Variants in DDHD1 observed in about 807,000 individuals in gnomAD.
The protein encoded by DDHD1 is DDHD domain containing 1.
DDHD1 carries 49 observed loss-of-function variants against 96.4 expected under a neutral mutation model. That is an observed-to-expected ratio of 0.51 (90% CI 0.40 to 0.64). The LOEUF (loss-of-function observed/expected upper bound fraction) is 0.64, where lower values mean the gene tolerates loss of function less well. Ranked by LOEUF, DDHD1 falls within the 30% of genes least tolerant of loss-of-function variation. The pLI is 0.00. For missense variants in DDHD1, 1,106 were observed against 1,161.2 expected (o/e 0.95, Z 0.69); for synonymous variants, 442 against 446.5 (o/e 0.99, Z 0.13).
In DDHD1 at chr14:53,072,672, T is replaced by C. The variant is rs1478089499; in HGVS notation, c.1428A>G (p.Val476=). The change falls in exon 6 of 13, where the codon GTA becomes GTG. Residue 476 remains valine, a synonymous_variant. Transcript: ENST00000673822. Reference sequence around the variant, plus strand: ...TGTTCAGCATATCCCTTAAACCTCGTACTTTGTCAGGAGTAATGGAATCAA... The same window carrying C: ...TGTTCAGCATATCCCTTAAACCTCGCACTTTGTCAGGAGTAATGGAATCAA... ...DTVDSITPDK[V]RGLRDMLNSS... is the part of the protein sequence containing the mutation. 6.2e-7 allele frequency: 1 copy of C among 1,610,390 alleles called. No homozygotes were observed. The highest frequency in any genetic ancestry group is 8.5e-7 in the Non-Finnish European group (1 of 1,177,606).
intron 6 of DDHD1, among the ~76,000 whole-genome samples, chr14:53,064,085 A>T (rs1043117632): frequency 2.6e-5 from 4 of 152,028 alleles, no homozygotes; most frequent in Admixed American, 2.6e-4. Context: ...TTTAAGTAAA[A>T]CTCTAATTAA....
At position 53,055,699 on chromosome 14, in the gene DDHD1, C is replaced by T; in HGVS notation, c.2206G>A (p.Gly736Arg). 6.2e-7 allele frequency: 1 copy of T among 1,614,008 alleles called. No individual in the cohort carries two copies. The change falls in exon 10 of 13, where the codon GGA (glycine) becomes AGA (arginine). Residue 736 changes from glycine (G) to arginine (R), a missense_variant. Around this residue, in one of 2 missense-constraint regions of DDHD1, gnomAD observed 650 missense variants for 758.8 expected, o/e 0.86. Transcript: ENST00000673822. ...TTGCCTATATTTGTTATAGATTCTC[C>T]ATAGTGTCGGCGGGACAAAACTGGT... ...TSPVLSRRHYGESITNIGKAS... is the reference protein window; with the variant it reads ...TSPVLSRRHYRESITNIGKAS...
At chr14:53,111,602 T>C (rs1007898839) in intron 1 of DDHD1, among the ~76,000 whole-genome samples, 4 of 152,146 alleles carry the variant, frequency 2.6e-5, no homozygotes, top group Admixed American at 2.6e-4. Flanking sequence ...CTAGGTATCT[T>C]GGTGTTTTGG....
At chr14:53,139,157 T>C (rs1310846353) in intron 1 of DDHD1, among the ~76,000 whole-genome samples, 2 of 151,420 alleles carry the variant, frequency 1.3e-5, no homozygotes, top group Non-Finnish European at 2.9e-5. Flanking sequence ...GAAATTGTCC[T>C]GGGCCTAGAA....
At position 53,040,136 on chromosome 14, in the gene DDHD1, G is replaced by A. The variant is rs1166112742; in HGVS notation, c.*6632C>T. 2 of 152,218 alleles carry A rather than the reference G, an allele frequency of 1.3e-5. No individual in the cohort carries two copies. Among genetic ancestry groups the A allele is most frequent in the Admixed American group, 1.3e-4 (2 of 15,284 alleles). 9.4% of individuals were successfully genotyped at this position (152,218 alleles called of 1,614,324 possible). On this transcript the variant is annotated 3_prime_UTR_variant, in exon 13 of 13. Coordinates refer to ENST00000673822, the MANE Select transcript of DDHD1 (RefSeq NM_001160148.2). ...GGTGAGTGGAAAGGTAGTAGGAGTAGGTTTCTATCTGGCACGGGTTCTTGG... is the reference window on the plus strand; with the variant it reads ...GGTGAGTGGAAAGGTAGTAGGAGTAAGTTTCTATCTGGCACGGGTTCTTGG...
intron 1 of DDHD1, among the ~76,000 whole-genome samples, chr14:53,113,390 CAAAAAA>C (rs60704615): frequency 5.2e-4 from 62 of 118,254 alleles, no homozygotes; most frequent in African/African-American, 3.5e-4. Context: ...CTGTACAAGC[CAAAAAA>C]AAAAAAAAAA....
At chr14:53,061,952 T>A (rs1039843422) in intron 7 of DDHD1, among the ~76,000 whole-genome samples, 1 of 146,524 alleles carries the variant, frequency 6.8e-6, no homozygotes, top group Non-Finnish European at 1.5e-5. Flanking sequence ...GAGAATCACT[T>A]GAACCTGGAA....
rs765007859 is a variant in DDHD1 at position 53,152,449 on chromosome 14, G to T, written c.650C>A (p.Ser217Tyr). 1.9e-6 allele frequency: 3 copies of T among 1,613,254 alleles called. No homozygotes were observed. Among genetic ancestry groups the T allele is most frequent in the South Asian group, 2.2e-5 (2 of 91,054 alleles). ...GGAACTGGAGGCTGGGCCCGTGGGG[G>T]AGCACACATGGTCGCCGTCCCGGTC... ...GGDRDGDHVC[S>Y]PTGPASSSGE... The change falls in exon 1 of 13, where the codon TCC becomes TAC. Residue 217 changes from serine to tyrosine, a missense_variant. Ser to Tyr is a moderately radical substitution (Grantham distance 144). Around this residue, in one of 2 missense-constraint regions of DDHD1, gnomAD observed 456 missense variants for 402.4 expected, o/e 1.13. Coordinates refer to ENST00000673822, the MANE Select transcript of DDHD1 (RefSeq NM_001160148.2).
At chr14:53,103,568 A>G in intron 2 of DDHD1, 115 bp downstream of exon 2, 1 of 878,690 alleles carries the variant, frequency 1.1e-6, no homozygotes, top group East Asian at 2.9e-5. Context: ...TAAAAAAATC[A>G]AATTTTCTAA....
chr14:53,059,331 G>T (rs970873275), intron 8 of DDHD1, among the ~76,000 whole-genome samples: 43 of 151,916 alleles, frequency 2.8e-4, no homozygotes, highest in African/African-American at 1.0e-3. Flanking sequence ...TGCAAGCTCC[G>T]CCTCCTGGGT....
chr14:53,130,993 C>A (rs1372424054), intron 1 of DDHD1, among the ~76,000 whole-genome samples: 2 of 152,172 alleles, frequency 1.3e-5, no homozygotes, highest in Non-Finnish European at 2.9e-5. Flanking sequence ...CCATTACCTT[C>A]TTTTCAACGG....
chr14:53,061,035 A>T (rs1196718492), intron 8 of DDHD1, 91 bp downstream of exon 8: 4 of 1,135,938 alleles, frequency 3.5e-6, no homozygotes, highest in Non-Finnish European at 3.8e-6. Context: ...AAAGAACAAT[A>T]AACTTTCATT....
intron 1 of DDHD1, among the ~76,000 whole-genome samples, chr14:53,146,429 G>A (rs891883925): frequency 6.6e-6 from 1 of 151,722 alleles, no homozygotes; most frequent in Non-Finnish European, 1.5e-5. Flanking sequence ...GCTTGAACCT[G>A]GGAGGCAGAG....
At chr14:53,105,371 G>A (rs769887657) in intron 1 of DDHD1, among the ~76,000 whole-genome samples, 1 of 151,592 alleles carries the variant, frequency 6.6e-6, no homozygotes, top group Non-Finnish European at 1.5e-5. Context: ...TACCAGATTT[G>A]TACTGTGATG....
intron 6 of DDHD1, among the ~76,000 whole-genome samples, chr14:53,071,211 A>T (rs961880944): frequency 6.6e-6 from 1 of 152,152 alleles, no homozygotes; most frequent in African/African-American, 2.4e-5. Context: ...CAAGCAGTCT[A>T]TCTCTACAGC....
chr14:53,131,288 T>A (rs1361751190), intron 1 of DDHD1, among the ~76,000 whole-genome samples: 2 of 152,130 alleles, frequency 1.3e-5, no homozygotes, highest in African/African-American at 4.8e-5. Flanking sequence ...AACCCACAAG[T>A]GATAGGACAC....
chr14:53,088,063 T>C (rs1886130188), intron 4 of DDHD1, among the ~76,000 whole-genome samples: 1 of 152,182 alleles, frequency 6.6e-6, no homozygotes, highest in Non-Finnish European at 1.5e-5. Context: ...CCAGAAAATC[T>C]AGAAGAAATG....
chr14:53,088,190 CA>C (rs560973560), intron 4 of DDHD1, among the ~76,000 whole-genome samples: 86 of 152,026 alleles, frequency 5.7e-4, no homozygotes, highest in African/African-American at 2.0e-3. Context: ...ACCTACCAAC[CA>C]AAAAAAGTCC....
In DDHD1 at chr14:53,051,922, T is replaced by C. The variant is rs750706959; in HGVS notation, c.2443A>G (p.Arg815Gly). The C allele has an allele frequency of 7.6e-6, 12 of 1,579,048 alleles. No individual in the cohort carries two copies. The highest frequency in any genetic ancestry group is 4.6e-5 in the South Asian group (4 of 86,138). The change falls in exon 12 of 13, where the codon AGA (arginine) becomes GGA (glycine). Residue 815 changes from arginine (R) to glycine (G), a missense_variant. Physicochemically the swap from Arg to Gly is moderately radical, Grantham distance 125. Transcript: ENST00000673822. ...SSGFLDSAYF[R>G]LQESFFNLPQ... Reference sequence around the variant, plus strand: ...AGATTAAAGAACGATTCTTGAAGTCTGAAATCTGTGAAAAAAAAACACAAG... The same window carrying C: ...AGATTAAAGAACGATTCTTGAAGTCCGAAATCTGTGAAAAAAAAACACAAG...
Sources: gnomAD v4.1 joint callset for allele counts (sites outside exome capture counted in the v4.1 genomes callset) on GRCh38, gnomAD v4.1.1 for gene constraint, gnomAD v4.1.1 regional missense constraint, MANE v1.5 for transcripts, NCBI Gene and HGNC (gene_info 2026-07-23, HGNC 2026-07-21) for gene names.